Variants in RCC1 observed in about 807,000 individuals in gnomAD.
The protein encoded by RCC1 is regulator of chromosome condensation 1.
RCC1 carries 11 observed loss-of-function variants against 44.4 expected under a neutral mutation model. The observed-to-expected ratio is 0.25, with a 90% CI of 0.16 to 0.41. RCC1 has a LOEUF of 0.41. RCC1 is among the 10% of genes least tolerant of loss of function. RCC1 has a pLI of 1.00. For missense variants in RCC1, 386 were observed against 547.1 expected (o/e 0.71, Z 2.94); for synonymous variants, 213 against 216.5 (o/e 0.98, Z 0.14).
intron 2 of RCC1, 97 bp downstream of exon 2, chr1:28,508,257 A>G (rs1662188003): frequency 1.9e-5 from 7 of 374,636 alleles, no homozygotes; most frequent in South Asian, 1.3e-4. Flanking sequence ...CTAGTTGGTC[A>G]GGATTTACCT....
At chr1:28,520,164 C>A (rs989277877) in intron 4 of RCC1, among the ~76,000 whole-genome samples, 7 of 152,152 alleles carry the variant, frequency 4.6e-5, no homozygotes, top group African/African-American at 1.7e-4. Context: ...CAGCAGCTCA[C>A]CAAATGTATA....
In RCC1 at chr1:28,532,216, A is replaced by T; in HGVS notation, c.307A>T (p.Thr103Ser). ...TGATGAGGGTGCCCTGGGAAGGGAC[A>T]CATCAGTGGAGGGCTCGGAGATGGT... is the stretch of plus-strand genomic sequence containing the variant. ...CNDEGALGRD[T>S]SVEGSEMVPG... is the part of the protein sequence containing the mutation. The change falls in exon 7 of 13, where the codon ACA becomes TCA. Residue 103 changes from threonine (T) to serine (S), a missense_variant. Physicochemically the swap from Thr to Ser is moderately conservative, Grantham distance 58. Coordinates refer to ENST00000683442, the MANE Select transcript of RCC1 (RefSeq NM_001381865.2). 1 of 1,613,872 alleles carries T rather than the reference A, an allele frequency of 6.2e-7. No individual in the cohort carries two copies. Among genetic ancestry groups the T allele is most frequent in the Non-Finnish European group, 8.5e-7 (1 of 1,179,920 alleles).
chr1:28,510,588 GTTAAGTCTCAAAA>G (rs1557866602), intron 3 of RCC1: 2 of 152,148 alleles, frequency 1.3e-5, no homozygotes, highest in African/African-American at 4.8e-5. Context: ...TGGTGACAGA[GTTAAGTCTCAAAA>G]AAAAGGCATC....
At chr1:28,534,714 CT>C (rs1664434113) in intron 7 of RCC1, among the ~76,000 whole-genome samples, 1 of 152,148 alleles carries the variant, frequency 6.6e-6, no homozygotes, top group South Asian at 2.1e-4. Flanking sequence ...CTCAAGCGAT[CT>C]GCCCACCTGG....
intron 4 of RCC1, chr1:28,527,098 A>G: frequency 9.7e-7 from 1 of 1,032,090 alleles, no homozygotes; most frequent in Non-Finnish European, 1.5e-6. Flanking sequence ...CCAGACCACA[A>G]TATGTTTGTC....
chr1:28,536,161 A>C lies in RCC1; in HGVS notation c.818-101A>C. ...CAGTTTTGTCATCTGTAAAGTGAGAATGTCCATATCCTGATGGGAGGTGGC... is the reference window on the plus strand; with the variant it reads ...CAGTTTTGTCATCTGTAAAGTGAGACTGTCCATATCCTGATGGGAGGTGGC... On this transcript the variant is annotated intron_variant, in intron 10 of 12. Coordinates refer to ENST00000683442, the MANE Select transcript of RCC1 (RefSeq NM_001381865.2). This position sits in a 1 kb window ranked among gnomAD's most constrained non-coding sequence, Gnocchi z 4.9. The C allele has an allele frequency of 1.3e-6, 2 of 1,548,210 alleles. No homozygotes were observed.
rs917679113 is a variant in RCC1 at position 28,506,058 on chromosome 1, A to G, written c.-288A>G. The G allele has an allele frequency of 3.3e-5, 15 of 455,948 alleles. No individual in the cohort carries two copies. The highest frequency in any genetic ancestry group is 1.4e-4 in the African/African-American group (7 of 50,060). 28.2% of individuals were successfully genotyped at this position (455,948 alleles called of 1,614,324 possible). ...TTTTCTCTCTCCTTTTTGGAGACAG[A>G]TTCGCAGTGGTCGCTTCTTCTCCTT... On this transcript the variant is annotated 5_prime_UTR_variant, in exon 1 of 13. Transcript: ENST00000683442.
chr1:28,534,903 C>T, intron 7 of RCC1, 147 bp from the exon 8 acceptor site: 1 of 676,176 alleles, frequency 1.5e-6, no homozygotes, highest in Non-Finnish European at 2.7e-6. Flanking sequence ...AGTCGCAGAC[C>T]ATAAATGATT....
chr1:28,536,331 G>A lies in RCC1; in HGVS notation c.887G>A (p.Trp296Ter). 1 of 1,614,056 alleles carries A rather than the reference G, an allele frequency of 6.2e-7. No homozygotes were observed. Among genetic ancestry groups the A allele is most frequent in the Non-Finnish European group, 8.5e-7 (1 of 1,179,928 alleles). Residue 296 changes from tryptophan to a stop codon, truncating the protein, a stop_gained, in exon 11 of 13, where the codon TGG becomes TAG. Transcript: ENST00000683442. LOFTEE classifies it high-confidence loss of function. The surrounding 1 kb of genome is among the most constrained non-coding windows in gnomAD (Gnocchi z 4.9). ...TCCTTCAAGAATTCCACCAAGTCCT[G>A]GGTGGGCTTCTCTGGTGGCCAGCAC... ...LTSFKNSTKS[W>*]VGFSGGQHHT...
intron 9 of RCC1, 87 bp downstream of exon 9, chr1:28,535,467 A>G: frequency 6.3e-7 from 1 of 1,583,072 alleles, no homozygotes; most frequent in South Asian, 1.1e-5. Context: ...TGCTGTGGTC[A>G]GGCTTGCATC....
rs1330837570 is a variant in RCC1 at position 28,530,045 on chromosome 1, T to C, written c.73+106T>C. ...GAGGCTTGAAGCTGAAGGGTGTGGA[T>C]GTGCAGAGACCCCACCCAGCTGGAA... On this transcript the variant is annotated intron_variant, in intron 5 of 12. Transcript: ENST00000683442. 6.0e-6 allele frequency: 5 copies of C among 833,234 alleles called. No individual in the cohort carries two copies. In the Admixed American group the frequency reaches 1.3e-4, roughly 22 times the overall value. The allele number at this position is 833,234 out of a possible 1,614,324, so 51.6% of individuals were successfully genotyped here.
At chr1:28,520,259 T>C (rs1358015112) in intron 4 of RCC1, among the ~76,000 whole-genome samples, 1 of 152,138 alleles carries the variant, frequency 6.6e-6, no homozygotes, top group Non-Finnish European at 1.5e-5. Flanking sequence ...GCAGGCAAGT[T>C]CTTCCTCCTG....
Position 28,537,887 on chromosome 1 carries a change from T to G in RCC1, c.1146T>G (p.Asp382Glu), listed in dbSNP as rs144961099. 6.2e-7 allele frequency: 1 copy of G among 1,613,600 alleles called. No individual in the cohort carries two copies. The change falls in exon 13 of 13, where the codon GAT (aspartate) becomes GAG (glutamate). Residue 382 changes from aspartate (D) to glutamate (E), a missense_variant. Transcript: ENST00000683442. ...ACTACCAGCTGGGCACAGGGCAGGA[T>G]GAGGACGCCTGGAGCCCTGTGGAGA... ...GTNYQLGTGQ[D>E]EDAWSPVEMM... is the part of the protein sequence containing the mutation.
chr1:28,518,046 G>A (rs1022963158), intron 4 of RCC1: 1 of 152,146 alleles, frequency 6.6e-6, no homozygotes, highest in African/African-American at 2.4e-5. Flanking sequence ...CACGTGTCCC[G>A]ATTTGGGGTT....
At chr1:28,507,255 CTG>C (rs1006572628) in intron 1 of RCC1, 2 of 462,528 alleles carry the variant, frequency 4.3e-6, no homozygotes, top group South Asian at 3.2e-5. Flanking sequence ...TAACACCCCA[CTG>C]TGGACAGGGT....
At chr1:28,516,010 C>T (rs937272096) in intron 3 of RCC1, among the ~76,000 whole-genome samples, 4 of 151,586 alleles carry the variant, frequency 2.6e-5, no homozygotes, top group Admixed American at 6.6e-5. Context: ...TGGTAAAACC[C>T]CGTCTCTACT....
chr1:28,506,352 T>A (rs1243869603), intron 1 of RCC1: 2 of 396,238 alleles, frequency 5.0e-6, no homozygotes, highest in Admixed American at 6.5e-5. Flanking sequence ...GCCCGGCCAA[T>A]TTTTGTATTC....
chr1:28,530,711 C>G (rs935666873), intron 5 of RCC1: 2 of 943,182 alleles, frequency 2.1e-6, no homozygotes, highest in Non-Finnish European at 3.0e-6. Flanking sequence ...ATTGGCTGCC[C>G]GGGGCTGCGG....
rs139876588 is a variant in RCC1 at position 28,538,432 on chromosome 1, C to CT, written c.*425_*426insT. ...TGCCCCTTTCCTGTCCCTAACAGTCCACAGGCAAACAAATGGTACAGTCAT... is the reference window on the plus strand; with the variant it reads ...TGCCCCTTTCCTGTCCCTAACAGTCCTACAGGCAAACAAATGGTACAGTCAT... On this transcript the variant is annotated 3_prime_UTR_variant, in exon 13 of 13. Coordinates refer to ENST00000683442, the MANE Select transcript of RCC1 (RefSeq NM_001381865.2). 189 of 156,358 alleles carry CT rather than the reference C, an allele frequency of 1.2e-3. 5 individuals are homozygous for CT. In the East Asian group the frequency reaches 0.027, roughly 22 times the overall value. 9.7% of individuals were successfully genotyped at this position (156,358 alleles called of 1,614,324 possible).
Sources: allele counts gnomAD v4.1 joint callset (sites outside exome capture counted in the v4.1 genomes callset), GRCh38; gene constraint gnomAD v4.1.1; non-coding constraint Gnocchi (gnomAD v3.1); transcripts MANE v1.5; gene names NCBI Gene and HGNC (gene_info 2026-07-23, HGNC 2026-07-21).